Variants in OSBPL3 observed in about 807,000 individuals in gnomAD.
The protein encoded by OSBPL3 is oxysterol-binding protein-related protein 3.
Under a neutral mutation model 120.1 loss-of-function variants are expected in OSBPL3, and 65 were observed. The observed-to-expected ratio is 0.54, with a 90% confidence interval of 0.44 to 0.67. OSBPL3 has a LOEUF of 0.67. OSBPL3 is among the 30% of genes least tolerant of loss of function. The probability of loss-of-function intolerance (pLI) is 0.00; values close to 1 mark genes in which losing one functional copy is unlikely to be tolerated. For synonymous variants in OSBPL3, 416 were observed against 402.6 expected, an observed-to-expected ratio of 1.03 and a Z score of -0.40; for missense variants, 1,004 against 1,082.1, an observed-to-expected ratio of 0.93 and a Z score of 1.01.
chr7:24,889,901 G>A (rs1237828139), intron 2 of OSBPL3, among the ~76,000 whole-genome samples: 2 of 152,154 alleles, frequency 1.3e-5, no homozygotes, highest in African/African-American at 2.4e-5. Context: ...TATGCTGTCT[G>A]GGGCCTGGTG....
Position 24,862,359 on chromosome 7 carries a change from G to A in OSBPL3, c.871-590C>T, listed in dbSNP as rs1800686294. ...TTGAAAATGACAGCTAAAGCTGCCA[G>A]GCTTTCTCATTTATACTCAATTCCT... On this transcript the variant is annotated intron_variant, in intron 9 of 22. Transcript: ENST00000313367. The surrounding 1 kb of genome is among the most constrained non-coding windows in gnomAD (Gnocchi z 4.4). 6.6e-6 allele frequency among the ~76,000 whole-genome samples: 1 copy of A among 152,210 alleles called. No individual in the cohort carries two copies. The highest frequency in any genetic ancestry group is 1.5e-5 in the Non-Finnish European group (1 of 68,050).
chr7:24,814,869 G>GT (rs1472718242), intron 19 of OSBPL3, among the ~76,000 whole-genome samples, 190 bp downstream of exon 19: 1 of 152,260 alleles, frequency 6.6e-6, no homozygotes, highest in Non-Finnish European at 1.5e-5. Flanking sequence ...CCTTAGGGGA[G>GT]TAAGAGGCCA....
intron 2 of OSBPL3, among the ~76,000 whole-genome samples, chr7:24,888,977 C>G (rs754876947): frequency 1.3e-5 from 2 of 152,088 alleles, no homozygotes; most frequent in Non-Finnish European, 2.9e-5. Flanking sequence ...ATTTAATGCC[C>G]CTTCCCTATT....
rs1809191154 is a variant in OSBPL3, at chr7:24,913,912, G to T, written c.-149-21291C>A. On this transcript the variant is annotated intron_variant, in intron 1 of 22. Coordinates refer to ENST00000313367, the MANE Select transcript of OSBPL3 (RefSeq NM_015550.4). The surrounding 1 kb of genome is among the most constrained non-coding windows in gnomAD (Gnocchi z 5.3). ...AGTAAAGTAAAAGTTCTACATATAT[G>T]CATTGAAACTTTCCTAAGGAGCAGA... is the stretch of plus-strand genomic sequence containing the variant. Among the ~76,000 whole-genome samples, 1 of 152,158 alleles carries T rather than the reference G, an allele frequency of 6.6e-6. No individual in the cohort carries two copies. The highest frequency in any genetic ancestry group is 2.4e-5 in the African/African-American group (1 of 41,430).
rs529630591 is a variant in OSBPL3, at chr7:24,922,797, C to T, written c.-149-30176G>A. Among the ~76,000 whole-genome samples the T allele has an allele frequency of 3.9e-5, 6 of 152,206 alleles. No individual in the cohort carries two copies. In the South Asian group the frequency reaches 1.2e-3, roughly 32 times the overall value. On this transcript the variant is annotated intron_variant, in intron 1 of 22. Transcript: ENST00000313367. The surrounding 1 kb of genome is among the most constrained non-coding windows in gnomAD (Gnocchi z 4.3). ...TCAAGGATCTCTGTCCAACCCTGTC[C>T]CTGCTGCCCTCACCCTCTTGGTGAA...
Position 24,862,129 on chromosome 7 carries a change from G to A in OSBPL3, c.871-360C>T, listed in dbSNP as rs1408669063. Among the ~76,000 whole-genome samples, 2 of 152,140 alleles carry A rather than the reference G, an allele frequency of 1.3e-5. No individual in the cohort carries two copies. The highest frequency in any genetic ancestry group is 3.9e-4 in the East Asian group (2 of 5,162). On this transcript the variant is annotated intron_variant, in intron 9 of 22. Transcript: ENST00000313367. The surrounding 1 kb of genome is among the most constrained non-coding windows in gnomAD (Gnocchi z 4.4). ...TCTCGATCTCCTGACCTTGTGTTCT[G>A]CCCGCCTCAGCCTTCCAAAGTGCTG...
chr7:24,896,730 T>C lies in OSBPL3; in HGVS notation c.-149-4109A>G, dbSNP rs554375365. On this transcript the variant is annotated intron_variant, in intron 1 of 22. Transcript: ENST00000313367. This position sits in a 1 kb window ranked among gnomAD's most constrained non-coding sequence, Gnocchi z 4.4. ...CAAATGTATTAAGCTCTCTGATTTA[T>C]ATTTTTTCCTGTATAAAATGGGGAA... is the stretch of plus-strand genomic sequence containing the variant. Among the ~76,000 whole-genome samples the C allele has an allele frequency of 7.1e-4, 108 of 152,340 alleles. No individual in the cohort carries two copies. In the Middle Eastern group the frequency reaches 0.017, roughly 24 times the overall value.
At chr7:24,919,773 T>C (rs954946889) in intron 1 of OSBPL3, among the ~76,000 whole-genome samples, 1 of 150,942 alleles carries the variant, frequency 6.6e-6, no homozygotes, top group African/African-American at 2.4e-5. Context: ...GATATGGGTC[T>C]AGTATGCAGA....
chr7:24,928,180 A>G (rs1811300814), intron 1 of OSBPL3, among the ~76,000 whole-genome samples: 1 of 145,102 alleles, frequency 6.9e-6, no homozygotes, highest in African/African-American at 2.6e-5. Context: ...TGAGCCAATT[A>G]AACCTTCCTT....
chr7:24,917,446 T>G (rs10236671), intron 1 of OSBPL3, among the ~76,000 whole-genome samples: 1 of 122,230 alleles, frequency 8.2e-6, no homozygotes, highest in Non-Finnish European at 1.7e-5. Flanking sequence ...TATATATATA[T>G]ACACACACAT....
intron 1 of OSBPL3, among the ~76,000 whole-genome samples, chr7:24,948,490 T>C (rs1223060204): frequency 6.6e-6 from 1 of 152,180 alleles, no homozygotes; most frequent in Non-Finnish European, 1.5e-5. Flanking sequence ...AGAGGCTAAA[T>C]GATGTCCATC....
chr7:24,880,311 C>T (rs1803485384), intron 2 of OSBPL3, among the ~76,000 whole-genome samples: 1 of 152,154 alleles, frequency 6.6e-6, no homozygotes, highest in Non-Finnish European at 1.5e-5. Context: ...CAGAACCTCG[C>T]AGCTGAGTGT....
At position 24,824,950 on chromosome 7, in the gene OSBPL3, T is replaced by C. The variant is rs1795525498; in HGVS notation, c.1885-4712A>G. On this transcript the variant is annotated intron_variant, in intron 16 of 22. Coordinates refer to ENST00000313367, the MANE Select transcript of OSBPL3 (RefSeq NM_015550.4). The surrounding 1 kb of genome is among the most constrained non-coding windows in gnomAD (Gnocchi z 4.9). ...CAAAGGCCAATGGCTGGAAAATGCT[T>C]GGTATGAAGCAGAAGAAGCAAGGCC... Among the ~76,000 whole-genome samples the C allele has an allele frequency of 1.3e-5, 2 of 152,042 alleles. No homozygotes were observed. Among genetic ancestry groups the C allele is most frequent in the Admixed American group, 1.3e-4 (2 of 15,268 alleles).
In OSBPL3 at chr7:24,967,767, G is replaced by A. The variant is rs765729234; in HGVS notation, c.-150+12119C>T. Among the ~76,000 whole-genome samples the A allele has an allele frequency of 2.6e-5, 4 of 151,992 alleles. No homozygotes were observed. Among genetic ancestry groups the A allele is most frequent in the Admixed American group, 2.0e-4 (3 of 15,252 alleles). Reference sequence around the variant, plus strand: ...TGCCCCAAAGGTTCTATAGGTAAAGGCCCCCTTAACTGTCACAATTTTAAC... The same window carrying A: ...TGCCCCAAAGGTTCTATAGGTAAAGACCCCCTTAACTGTCACAATTTTAAC... On this transcript the variant is annotated intron_variant, in intron 1 of 22. Transcript: ENST00000313367. The surrounding 1 kb of genome is among the most constrained non-coding windows in gnomAD (Gnocchi z 5.6).
chr7:24,872,860 TTAAAAA>T lies in OSBPL3; in HGVS notation c.97-797_97-792del, dbSNP rs1386016315. Among the ~76,000 whole-genome samples the T allele has an allele frequency of 2.6e-5, 4 of 152,174 alleles. No homozygotes were observed. Among genetic ancestry groups the T allele is most frequent in the Non-Finnish European group, 4.4e-5 (3 of 68,022 alleles). ...GTTCTGAAAATTTACTTTTAAATACTTAAAAATAAATACATCATTGCTAATCACCCC... is the reference window on the plus strand; with the variant it reads ...GTTCTGAAAATTTACTTTTAAATACTTAAATACATCATTGCTAATCACCCC... On this transcript the variant is annotated intron_variant, in intron 2 of 22. Coordinates refer to ENST00000313367, the MANE Select transcript of OSBPL3 (RefSeq NM_015550.4). This position sits in a 1 kb window ranked among gnomAD's most constrained non-coding sequence, Gnocchi z 4.1.
chr7:24,843,906 G>A lies in OSBPL3; in HGVS notation c.1267-1493C>T, dbSNP rs913471221. On this transcript the variant is annotated intron_variant, in intron 12 of 22. Transcript: ENST00000313367. The stretch of plus-strand genomic sequence containing the variant: ...ACAAGAGAATAGTCCTGTGTCTTCC[G>A]TGTGCTCCTGCCACAAAAGATGCTC... Among the ~76,000 whole-genome samples the A allele has an allele frequency of 7.9e-5, 12 of 152,290 alleles. No homozygotes were observed. The South Asian group carries it at 1.0e-3, about 13-fold the overall frequency.
chr7:24,885,901 T>C (rs1038485049), intron 2 of OSBPL3, among the ~76,000 whole-genome samples: 3 of 152,316 alleles, frequency 2.0e-5, no homozygotes, highest in Middle Eastern at 3.4e-3. Flanking sequence ...TAATCTGGCC[T>C]CTGGAATGTG....
chr7:24,901,309 G>A lies in OSBPL3; in HGVS notation c.-149-8688C>T, dbSNP rs1289928318. On this transcript the variant is annotated intron_variant, in intron 1 of 22. Transcript: ENST00000313367. ...CCAGCCTGCAGTGAGCCCAGATGGC[G>A]CCACTGTACTCCAGCCTGGGTGACA... Among the ~76,000 whole-genome samples, 10 of 151,648 alleles carry A rather than the reference G, an allele frequency of 6.6e-5. 1 individual carries two copies. The highest frequency in any genetic ancestry group is 1.9e-4 in the African/African-American group (8 of 41,264).
chr7:24,908,012 T>A lies in OSBPL3; in HGVS notation c.-149-15391A>T, dbSNP rs1315042494. On this transcript the variant is annotated intron_variant, in intron 1 of 22. Transcript: ENST00000313367. Reference sequence around the variant, plus strand: ...GTTCACTGGAATCATTTGGGATTACTTATGTATTTCAGAATATTTCAGCTA... The same window carrying A: ...GTTCACTGGAATCATTTGGGATTACATATGTATTTCAGAATATTTCAGCTA... 3.3e-5 allele frequency among the ~76,000 whole-genome samples: 5 copies of A among 152,242 alleles called. No individual in the cohort carries two copies. In the East Asian group the frequency reaches 9.6e-4, roughly 29 times the overall value.
Sources: gnomAD v4.1 joint callset for allele counts (sites outside exome capture counted in the v4.1 genomes callset) on GRCh38, gnomAD v4.1.1 for gene constraint, Gnocchi (gnomAD v3.1) non-coding constraint, MANE v1.5 for transcripts, NCBI Gene and HGNC (gene_info 2026-07-23, HGNC 2026-07-21) for gene names.